PLCL1: variants seen among roughly 807,000 people sequenced by gnomAD.
PLCL1 encodes the protein phospholipase C like 1 (inactive).
Under a neutral mutation model 84.4 loss-of-function variants are expected in PLCL1, and 41 were observed. The ratio of observed to expected loss-of-function variants is 0.49; its 90% CI spans 0.38 to 0.63. The LOEUF (loss-of-function observed/expected upper bound fraction) is 0.63. Among genes scored for constraint, PLCL1 ranks in the 30% least tolerant of loss-of-function variants. PLCL1 has a pLI of 0.00. For synonymous variants in PLCL1, 490 were observed against 488.3 expected (o/e 1.00, Z -0.05); for missense variants, 1,206 against 1,367.8 (o/e 0.88, Z 1.87).
chr2:197,930,465 A>T (rs1688910199), intron 1 of PLCL1, among the ~76,000 whole-genome samples: 1 of 152,148 alleles, frequency 6.6e-6, no homozygotes, highest in Non-Finnish European at 1.5e-5. Context: ...GATGACTTTA[A>T]ATCTGTGAAA....
intron 1 of PLCL1, among the ~76,000 whole-genome samples, chr2:197,873,859 A>C (rs1451797612): frequency 2.6e-5 from 4 of 152,202 alleles, no homozygotes; most frequent in Non-Finnish European, 5.9e-5. Context: ...GACAAGGCTC[A>C]GCATTGCTAC....
At chr2:198,098,338 GA>G (rs1693251200) in intron 3 of PLCL1, among the ~76,000 whole-genome samples, 2 of 152,146 alleles carry the variant, frequency 1.3e-5, no homozygotes, top group Non-Finnish European at 2.9e-5. Context: ...TGTTTATCAT[GA>G]TTGATGCATG....
At chr2:197,946,597 G>C (rs1689277090) in intron 1 of PLCL1, among the ~76,000 whole-genome samples, 1 of 152,116 alleles carries the variant, frequency 6.6e-6, no homozygotes, top group African/African-American at 2.4e-5. Flanking sequence ...CCAGAGTTCT[G>C]GAATCAAGGG....
chr2:197,931,420 G>T (rs1458745663), intron 1 of PLCL1, among the ~76,000 whole-genome samples: 3 of 152,052 alleles, frequency 2.0e-5, no homozygotes, highest in African/African-American at 7.2e-5. Flanking sequence ...TGTTGCTGTA[G>T]GTGGTAACAA....
Position 198,084,054 on chromosome 2 carries a change from C to A in PLCL1, c.537C>A (p.Gly179=), listed in dbSNP as rs374298581. 1 of 1,614,022 alleles carries A rather than the reference C, an allele frequency of 6.2e-7. No individual in the cohort carries two copies. ...ACACGGAAACATTTAGAAACAATGGCCTTGCTGACCAGATCTGTGAGGACT... is the reference window on the plus strand; with the variant it reads ...ACACGGAAACATTTAGAAACAATGGACTTGCTGACCAGATCTGTGAGGACT... ...GKNTETFRNN[G]LADQICEDCA... is the part of the protein sequence containing the mutation. Residue 179 remains glycine (G), a synonymous_variant, in exon 2 of 6, where the codon GGC becomes GGA. Transcript: ENST00000428675.
At chr2:198,027,384 G>C (rs1033177153) in intron 1 of PLCL1, among the ~76,000 whole-genome samples, 1 of 151,974 alleles carries the variant, frequency 6.6e-6, no homozygotes, top group Non-Finnish European at 1.5e-5. Context: ...CTGTTCAAAG[G>C]GCACAAAATT....
At chr2:197,810,988 A>G (rs147615783) in intron 1 of PLCL1, among the ~76,000 whole-genome samples, 180 of 152,350 alleles carry the variant, frequency 1.2e-3, no homozygotes, top group African/African-American at 4.1e-3. Flanking sequence ...TGGACTTTAC[A>G]TTGAAATCTA....
intron 1 of PLCL1, among the ~76,000 whole-genome samples, chr2:197,831,027 C>T (rs904661133): frequency 1.1e-4 from 17 of 151,968 alleles, no homozygotes; most frequent in African/African-American, 3.9e-4. Flanking sequence ...GCAGTAAATA[C>T]GGAAAGGAAA....
intron 1 of PLCL1, among the ~76,000 whole-genome samples, chr2:197,875,552 G>T (rs16825181): frequency 0.14 from 21,849 of 151,868 alleles, 2,005 homozygotes; most frequent in East Asian, 0.27. Context: ...TTTATATTTT[G>T]TGTACTTTGC....
chr2:197,959,664 T>A (rs1400200447), intron 1 of PLCL1, among the ~76,000 whole-genome samples: 1 of 151,966 alleles, frequency 6.6e-6, no homozygotes, highest in Non-Finnish European at 1.5e-5. Context: ...AAGCAACCAG[T>A]GTTTAAAAAA....
intron 3 of PLCL1, among the ~76,000 whole-genome samples, chr2:198,093,263 A>ACCCT (rs1693097085): frequency 6.6e-6 from 1 of 152,190 alleles, no homozygotes; most frequent in Admixed American, 6.5e-5. Context: ...GTACAACACA[A>ACCCT]AGAGTCAACC....
chr2:197,856,408 C>A (rs1297898902), intron 1 of PLCL1, among the ~76,000 whole-genome samples: 7 of 152,100 alleles, frequency 4.6e-5, no homozygotes, highest in Non-Finnish European at 1.0e-4. Flanking sequence ...CTTACTGTTA[C>A]TACAATGACA....
At chr2:197,814,012 A>AT (rs1005498041) in intron 1 of PLCL1, among the ~76,000 whole-genome samples, 11 of 152,146 alleles carry the variant, frequency 7.2e-5, no homozygotes, top group East Asian at 1.9e-4. Flanking sequence ...TTGAATATAC[A>AT]TTTTTTCTCA....
chr2:198,055,414 G>A (rs568039144), intron 1 of PLCL1, among the ~76,000 whole-genome samples: 1 of 149,906 alleles, frequency 6.7e-6, no homozygotes, highest in African/African-American at 2.4e-5. Flanking sequence ...TGTTCTTGGA[G>A]TATTACATTA....
chr2:197,894,510 T>C (rs1319539343), intron 1 of PLCL1, among the ~76,000 whole-genome samples: 1 of 151,998 alleles, frequency 6.6e-6, no homozygotes, highest in Admixed American at 6.6e-5. Flanking sequence ...TCTTTGTCAG[T>C]ATAACTAGCT....
At chr2:198,005,141 A>G (rs992017960) in intron 1 of PLCL1, among the ~76,000 whole-genome samples, 1 of 152,138 alleles carries the variant, frequency 6.6e-6, no homozygotes, top group Non-Finnish European at 1.5e-5. Flanking sequence ...TCGCTCCCTC[A>G]CTTCCACCCT....
In PLCL1 at chr2:197,983,200, C is replaced by CTTTTTTTTTTT. The variant is rs760577848; in HGVS notation, c.241-100529_241-100519dup. Among the ~76,000 whole-genome samples, 56 of 60,282 alleles carry CTTTTTTTTTTT rather than the reference C, an allele frequency of 9.3e-4. 7 individuals are homozygous for CTTTTTTTTTTT. The highest frequency in any genetic ancestry group is 3.3e-3 in the South Asian group (4 of 1,200). The allele number at this position is 60,282 out of a possible 152,430, so 39.5% of individuals were successfully genotyped here. A position where few individuals can be genotyped will look rare whatever the true frequency, so the allele number is the denominator to read the frequency against. On this transcript the variant is annotated intron_variant, in intron 1 of 5. Transcript: ENST00000428675. ...TTTCTTTTTCTTTTTCTTTTCTTTT[C>CTTTTTTTTTTT]TTTTTTTTTTTTTTTTTTTTTTTTT...
At chr2:198,079,700 A>C (rs1430738349) in intron 1 of PLCL1, among the ~76,000 whole-genome samples, 2 of 152,208 alleles carry the variant, frequency 1.3e-5, no homozygotes, top group African/African-American at 4.8e-5. Context: ...TTATTTAGAG[A>C]TGTTCAGAGA....
At chr2:198,021,374 A>G (rs61338687) in intron 1 of PLCL1, among the ~76,000 whole-genome samples, 1 of 152,174 alleles carries the variant, frequency 6.6e-6, no homozygotes, top group Non-Finnish European at 1.5e-5. Context: ...AAAAGCTAGC[A>G]GAAGACAAGA....
Sources: allele counts gnomAD v4.1 joint callset (sites outside exome capture counted in the v4.1 genomes callset), GRCh38; gene constraint gnomAD v4.1.1; transcripts MANE v1.5; gene names NCBI Gene and HGNC (gene_info 2026-07-23, HGNC 2026-07-21).